UCHL3: variants seen among roughly 807,000 people sequenced by gnomAD.
The protein encoded by UCHL3 is ubiquitin C-terminal hydrolase L3, also known as ubiquitin carboxyl-terminal hydrolase isozyme L3.
In UCHL3, 22 loss-of-function variants were observed where a neutral mutation model predicts 35.8. The observed-to-expected ratio is 0.61, with a 90% CI of 0.44 to 0.88. The LOEUF is 0.88. Among genes scored for constraint, UCHL3 ranks in the 40% least tolerant of loss-of-function variants. The pLI is 0.00. For synonymous variants in UCHL3, 90 were observed against 92.8 expected, an observed-to-expected ratio of 0.97 and a Z score of 0.17; for missense variants, 229 against 276.9, an observed-to-expected ratio of 0.83 and a Z score of 1.23.
intron 6 of UCHL3, among the ~76,000 whole-genome samples, chr13:75,585,197 T>C (rs1229199490): frequency 1.3e-5 from 2 of 152,102 alleles, no homozygotes; most frequent in African/African-American, 4.8e-5. Context: ...TGAATACCCT[T>C]ATCCTCCAAA....
chr13:75,550,454 G>T (rs2031048083), intron 2 of UCHL3, among the ~76,000 whole-genome samples: 1 of 152,156 alleles, frequency 6.6e-6, no homozygotes, highest in African/African-American at 2.4e-5. Flanking sequence ...ATCATCTCTT[G>T]CCCCATGAAG....
intron 7 of UCHL3, among the ~76,000 whole-genome samples, chr13:75,598,192 A>G (rs184090463): frequency 1.3e-5 from 2 of 152,336 alleles, no homozygotes; most frequent in Admixed American, 1.3e-4. Context: ...GAAATAGTAT[A>G]CAGAGCTCCC....
intron 6 of UCHL3, among the ~76,000 whole-genome samples, chr13:75,573,587 C>A (rs919152577): frequency 1.3e-5 from 2 of 152,094 alleles, no homozygotes; most frequent in African/African-American, 2.4e-5. Context: ...CCTTACCTGG[C>A]CTGTCCTGTG....
intron 6 of UCHL3, among the ~76,000 whole-genome samples, chr13:75,586,687 A>G (rs2138546782): frequency 6.6e-6 from 1 of 152,164 alleles, no homozygotes; most frequent in African/African-American, 2.4e-5. Context: ...TTCTATTCAT[A>G]GTGGAGTTAA....
intron 6 of UCHL3, among the ~76,000 whole-genome samples, chr13:75,580,486 C>T (rs1462671999): frequency 6.6e-6 from 1 of 152,132 alleles, no homozygotes; most frequent in Non-Finnish European, 1.5e-5. Flanking sequence ...CATTTGGTAG[C>T]TCTAGAGATG....
chr13:75,566,984 G>C lies in UCHL3; in HGVS notation c.340+133G>C, dbSNP rs909331252. ...TCCCTGCTTCCTTGATGATGGGAAT[G>C]TATATACTGTTAGAAGAAATATTAA... On this transcript the variant is annotated intron_variant, in intron 4 of 8. Coordinates refer to ENST00000377595, the MANE Select transcript of UCHL3 (RefSeq NM_006002.5). 8.3e-6 allele frequency: 9 copies of C among 1,081,414 alleles called. No individual in the cohort carries two copies. The African/African-American group carries it at 1.3e-4, about 15-fold the overall frequency. 67.0% of individuals were successfully genotyped at this position (1,081,414 alleles called of 1,614,324 possible).
rs550965009 is a variant in UCHL3, at chr13:75,559,121, G to A, written c.55-1632G>A. On this transcript the variant is annotated intron_variant, in intron 2 of 8. Coordinates refer to ENST00000377595, the MANE Select transcript of UCHL3 (RefSeq NM_006002.5). Reference sequence around the variant, plus strand: ...GTGGCGCAATCTCTGCTCACTGCAAGCTCCGCCTCCCGGGTTCATGCCATT... The same window carrying A: ...GTGGCGCAATCTCTGCTCACTGCAAACTCCGCCTCCCGGGTTCATGCCATT... 2.0e-3 allele frequency among the ~76,000 whole-genome samples: 261 copies of A among 130,510 alleles called. 2 individuals carry two copies. The highest frequency in any genetic ancestry group is 7.2e-3 in the African/African-American group (248 of 34,348). 85.6% of individuals were successfully genotyped at this position (130,510 alleles called of 152,430 possible).
intron 6 of UCHL3, among the ~76,000 whole-genome samples, chr13:75,574,751 G>C (rs1467455780): frequency 6.6e-6 from 1 of 152,166 alleles, no homozygotes; most frequent in African/African-American, 2.4e-5. Context: ...AAGTAATAGG[G>C]TGAAGCCATA....
chr13:75,582,924 T>C (rs2138536262), intron 6 of UCHL3, among the ~76,000 whole-genome samples: 1 of 152,346 alleles, frequency 6.6e-6, no homozygotes, highest in South Asian at 2.1e-4. Context: ...TGCTTGAAAG[T>C]CTTTTTCTGA....
Position 75,550,717 on chromosome 13 carries a change from CCT to C in UCHL3, c.54+731_54+732del, listed in dbSNP as rs2031064198. 3.5e-5 allele frequency among the ~76,000 whole-genome samples: 3 copies of C among 84,656 alleles called. No individual in the cohort carries two copies. The South Asian group carries it at 1.0e-3, about 29-fold the overall frequency. The allele number at this position is 84,656 out of a possible 152,430, so 55.5% of individuals were successfully genotyped here. A position where few individuals can be genotyped will look rare whatever the true frequency, so the allele number is the denominator to read the frequency against. On this transcript the variant is annotated intron_variant, in intron 2 of 8. Coordinates refer to ENST00000377595, the MANE Select transcript of UCHL3 (RefSeq NM_006002.5). ...TCTGCTCAGGTGTGCCTTATTTTAC[CCT>C]GTTTTTTTTTTTTTTTTCATTCTCA... is the stretch of plus-strand genomic sequence containing the variant.
chr13:75,588,255 C>T (rs1869996080), intron 6 of UCHL3, among the ~76,000 whole-genome samples: 1 of 152,078 alleles, frequency 6.6e-6, no homozygotes, highest in Non-Finnish European at 1.5e-5. Flanking sequence ...TTTCAGTATA[C>T]AATGCTGGTT....
chr13:75,568,751 T>A (rs2031766367), intron 5 of UCHL3, among the ~76,000 whole-genome samples: 4 of 152,074 alleles, frequency 2.6e-5, no homozygotes, highest in African/African-American at 9.7e-5. Context: ...TAATTATATA[T>A]AATTATGTAC....
chr13:75,570,990 C>T (rs558880522), intron 6 of UCHL3, among the ~76,000 whole-genome samples: 102 of 152,208 alleles, frequency 6.7e-4, no homozygotes, highest in African/African-American at 2.3e-3. Flanking sequence ...TAAGTTTATC[C>T]ATACACAGAC....
chr13:75,561,562 T>A (rs978128641), intron 3 of UCHL3, among the ~76,000 whole-genome samples: 1 of 151,520 alleles, frequency 6.6e-6, no homozygotes, highest in African/African-American at 2.4e-5. Context: ...ATATAAGGAA[T>A]CTTCTTTGCT....
At chr13:75,590,599 C>G (rs2032455990) in intron 6 of UCHL3, among the ~76,000 whole-genome samples, 2 of 152,092 alleles carry the variant, frequency 1.3e-5, no homozygotes, top group Admixed American at 6.6e-5. Flanking sequence ...TTTACTTACT[C>G]TATTCTCAAT....
At chr13:75,554,429 T>C (rs889865967) in intron 2 of UCHL3, among the ~76,000 whole-genome samples, 1 of 152,236 alleles carries the variant, frequency 6.6e-6, no homozygotes, top group African/African-American at 2.4e-5. Context: ...ATGTCGGCTA[T>C]TTTTAATATT....
chr13:75,566,907 T>C, intron 4 of UCHL3, 56 bp downstream of exon 4: 5 of 1,529,476 alleles, frequency 3.3e-6, no homozygotes, highest in Non-Finnish European at 4.4e-6. Flanking sequence ...GTTAATTGCA[T>C]TGAGCAGTAG....
Position 75,569,466 on chromosome 13 carries a change from C to A in UCHL3, c.433C>A (p.Arg145=), listed in dbSNP as rs767343926. The change falls in exon 6 of 9, where the codon CGA becomes AGA. Residue 145 remains arginine, a synonymous_variant. Transcript: ENST00000377595. ...ARYLENYDAI[R]VTHETSAHEG... ...ACCTTTATTCTTATTACAGGCCATC[C>A]GAGTTACTCATGAGACCAGTGCCCA... 6.2e-7 allele frequency: 1 copy of A among 1,607,932 alleles called. No individual in the cohort carries two copies. Among genetic ancestry groups the A allele is most frequent in the South Asian group, 1.1e-5 (1 of 88,918 alleles).
intron 7 of UCHL3, among the ~76,000 whole-genome samples, chr13:75,597,563 A>G (rs1023130799): frequency 6.6e-6 from 1 of 152,196 alleles, no homozygotes; most frequent in Non-Finnish European, 1.5e-5. Flanking sequence ...CATAGCATTT[A>G]TATTGTATTA....
Sources: allele counts gnomAD v4.1 joint callset (sites outside exome capture counted in the v4.1 genomes callset), GRCh38; gene constraint gnomAD v4.1.1; transcripts MANE v1.5; gene names NCBI Gene and HGNC (gene_info 2026-07-23, HGNC 2026-07-21).